The following SLC35D4 variants were observed in gnomAD, a reference collection of about 807,000 sequenced individuals.
SLC35D4 encodes the protein UDP-N-acetylglucosamine transporter SLC35D4.
chr18:23,257,626 T>C, the SLC35D4 span: 1 of 361,744 alleles, frequency 2.8e-6, no homozygotes, highest in Non-Finnish European at 4.9e-6. Context: ...CTCTGTCCAC[T>C]AGCGAGAATC....
At chr18:23,394,983 C>CAAAAAAAAAAAAAAAAAAAA in the SLC35D4 span, among the ~76,000 whole-genome samples, 1 of 54,460 alleles carries the variant, frequency 1.8e-5, no homozygotes, top group Non-Finnish European at 3.2e-5. Context: ...AACTCCATCT[C>CAAAAAAAAAAAAAAAAAAAA]AAAAAAAAAA....
the SLC35D4 span, among the ~76,000 whole-genome samples, chr18:23,421,708 G>A: frequency 7.7e-6 from 1 of 129,956 alleles, no homozygotes; most frequent in Non-Finnish European, 1.6e-5. Context: ...ACGGAGTTTC[G>A]CTCCGTCGCC....
At chr18:23,367,516 T>C in the SLC35D4 span, among the ~76,000 whole-genome samples, 5 of 152,054 alleles carry the variant, frequency 3.3e-5, no homozygotes, top group East Asian at 1.9e-4. Context: ...GTGCCAAAGA[T>C]GAATGGGGCT....
the SLC35D4 span, among the ~76,000 whole-genome samples, chr18:23,240,384 G>A: frequency 2.6e-5 from 4 of 152,176 alleles, no homozygotes; most frequent in East Asian, 5.8e-4. Flanking sequence ...AGGAGGCAGA[G>A]CCCACAAATG....
chr18:23,250,308 C>T, the SLC35D4 span, among the ~76,000 whole-genome samples: 4 of 149,908 alleles, frequency 2.7e-5, no homozygotes, highest in South Asian at 2.1e-4. Context: ...AGAGTAGAAG[C>T]GGCCTGTCTC....
chr18:23,248,512 C>CTTTTTTTTTT, the SLC35D4 span, among the ~76,000 whole-genome samples: 149 of 90,724 alleles, frequency 1.6e-3, 9 homozygotes, highest in Non-Finnish European at 2.2e-3. Flanking sequence ...GACCCTATGT[C>CTTTTTTTTTT]TTTTTTTTTT....
At chr18:23,398,709 T>C in the SLC35D4 span, among the ~76,000 whole-genome samples, 371 of 152,372 alleles carry the variant, frequency 2.4e-3, 2 homozygotes, top group Non-Finnish European at 1.9e-3. Context: ...AACATTGTTA[T>C]CCAATTAGGC....
At chr18:23,376,163 C>T in the SLC35D4 span, among the ~76,000 whole-genome samples, 1 of 152,216 alleles carries the variant, frequency 6.6e-6, no homozygotes, top group African/African-American at 2.4e-5. Flanking sequence ...CCCACCAACA[C>T]AGATTCTGTA....
chr18:23,340,053 C>T, the SLC35D4 span, among the ~76,000 whole-genome samples: 5 of 152,190 alleles, frequency 3.3e-5, no homozygotes, highest in Non-Finnish European at 7.3e-5. Flanking sequence ...CTACCACGCA[C>T]CTCATGGAAA....
chr18:23,422,691 T>C, the SLC35D4 span, among the ~76,000 whole-genome samples: 410 of 152,316 alleles, frequency 2.7e-3, 3 homozygotes, highest in African/African-American at 9.4e-3. Flanking sequence ...TTCTTCCTGC[T>C]GCCACAGGCA....
the SLC35D4 span, among the ~76,000 whole-genome samples, chr18:23,243,468 GTT>G: frequency 2.9e-3 from 297 of 101,870 alleles, 1 homozygote; most frequent in African/African-American, 9.1e-3. Flanking sequence ...TGGGTTTGGT[GTT>G]TTTTTTTTTT....
At chr18:23,257,377 C>G in the SLC35D4 span, 1 of 1,581,768 alleles carries the variant, frequency 6.3e-7, no homozygotes, top group Non-Finnish European at 8.5e-7. Context: ...GCACTGGCCC[C>G]GAGGACAGCC....
the SLC35D4 span, chr18:23,399,645 G>C: frequency 6.2e-7 from 1 of 1,613,560 alleles, no homozygotes; most frequent in South Asian, 1.1e-5. Context: ...AAGAACATGA[G>C]ATCTGAAAAG....
At chr18:23,297,584 C>A in the SLC35D4 span, 1 of 153,014 alleles carries the variant, frequency 6.5e-6, no homozygotes, top group East Asian at 1.9e-4. Context: ...AACCAAACCC[C>A]TTAGGCCCAC....
At chr18:23,311,569 T>A in the SLC35D4 span, among the ~76,000 whole-genome samples, 1 of 152,238 alleles carries the variant, frequency 6.6e-6, no homozygotes, top group Admixed American at 6.5e-5. Flanking sequence ...GCAACAGTTA[T>A]AGATGATCTT....
chr18:23,277,111 C>G, the SLC35D4 span, among the ~76,000 whole-genome samples: 1 of 152,192 alleles, frequency 6.6e-6, no homozygotes, highest in Non-Finnish European at 1.5e-5. Flanking sequence ...CTGCAGTCAG[C>G]TGAAGGCTGG....
At chr18:23,257,074 A>G in the SLC35D4 span, 2 of 808,274 alleles carry the variant, frequency 2.5e-6, no homozygotes, top group South Asian at 1.8e-5. Flanking sequence ...CAGGAAGCAC[A>G]GCCTGTGCCT....
At chr18:23,399,013 G>A in the SLC35D4 span, among the ~76,000 whole-genome samples, 1 of 152,158 alleles carries the variant, frequency 6.6e-6, no homozygotes, top group African/African-American at 2.4e-5. Flanking sequence ...AATGTATCTG[G>A]AAGTAACTTA....
chr18:23,275,906 A>C, the SLC35D4 span, among the ~76,000 whole-genome samples: 81 of 152,334 alleles, frequency 5.3e-4, no homozygotes, highest in African/African-American at 1.8e-3. Flanking sequence ...ATTCATACAC[A>C]CAGGTGGTAG....
Sources: gnomAD v4.1 joint callset for allele counts (sites outside exome capture counted in the v4.1 genomes callset) on GRCh38, gnomAD v4.1.1 for gene constraint, MANE v1.5 for transcripts, NCBI Gene and HGNC (gene_info 2026-07-23, HGNC 2026-07-21) for gene names.